Variants in TIMELESS observed in about 807,000 individuals in gnomAD.
TIMELESS encodes protein timeless homolog.
Under a neutral mutation model 164.3 loss-of-function variants are expected in TIMELESS, and 124 were observed. That is an observed-to-expected ratio of 0.75 (90% CI 0.65 to 0.88). The LOEUF (loss-of-function observed/expected upper bound fraction) is 0.88. Among genes scored for constraint, TIMELESS ranks in the 40% least tolerant of loss-of-function variants. TIMELESS has a pLI of 0.00. For missense variants in TIMELESS, 1,422 were observed against 1,491.4 expected (o/e 0.95, Z 0.77); for synonymous variants, 564 against 563.4 (o/e 1.00, Z -0.02).
intron 9 of TIMELESS, among the ~76,000 whole-genome samples, chr12:56,430,557 G>C (rs2136142266): frequency 6.6e-6 from 1 of 151,992 alleles, no homozygotes; most frequent in South Asian, 2.1e-4. Context: ...TGTAGGGACA[G>C]GGTTTTGCCA....
Position 56,423,846 on chromosome 12 carries a change from T to C in TIMELESS, c.1917A>G (p.Pro639=). The C allele has an allele frequency of 6.2e-7, 1 of 1,614,218 alleles. No homozygotes were observed. Among genetic ancestry groups the C allele is most frequent in the Non-Finnish European group, 8.5e-7 (1 of 1,180,040 alleles). The change falls in exon 16 of 29, where the codon CCA becomes CCG. Residue 639 remains proline (P), a synonymous_variant. Transcript: ENST00000553532. ...GDVFGSQDIS[P]EEEIQLLKQI... ...GTTTCAGCAACTGGATCTCTTCCTC[T>C]GGAGAAATGTCTTGAGAGCCAAACA...
rs201218444 is a variant in TIMELESS at position 56,421,446 on chromosome 12, C to T, written c.2773G>A (p.Ala925Thr). ...MKNITAKRSR[A>T]RIVDKLLALG... The stretch of plus-strand genomic sequence containing the variant: ...GCCAAGAGTTTATCCACTATTCGGG[C>T]CCGTGAGCGTTTGGCTGTGATATTC... Residue 925 changes from alanine to threonine, a missense_variant, in exon 23 of 29, where the codon GCC becomes ACC. By Grantham distance (58) the Ala-to-Thr change is moderately conservative. Transcript: ENST00000553532. 10 of 1,614,090 alleles carry T rather than the reference C, an allele frequency of 6.2e-6. No homozygotes were observed. In the Admixed American group the frequency reaches 1.5e-4, roughly 24 times the overall value.
chr12:56,420,804 T>C lies in TIMELESS; in HGVS notation c.3109+9A>G. ...GCTCTTCTCCTAAAAGTGTCACCTG[T>C]CCACTCACCATCCTCTTCCCGATCA... On this transcript the variant is annotated intron_variant, in intron 25 of 28. Coordinates refer to ENST00000553532, the MANE Select transcript of TIMELESS (RefSeq NM_003920.5). The C allele has an allele frequency of 6.2e-7, 1 of 1,614,176 alleles. No homozygotes were observed. The highest frequency in any genetic ancestry group is 2.2e-5 in the East Asian group (1 of 44,882).
intron 15 of TIMELESS, among the ~76,000 whole-genome samples, chr12:56,424,405 T>C (rs1565681103): frequency 6.6e-6 from 1 of 152,256 alleles, no homozygotes; most frequent in Non-Finnish European, 1.5e-5. Context: ...CAATAGGTTC[T>C]TGGATACTGC....
intron 21 of TIMELESS, 40 bp downstream of exon 21, chr12:56,421,859 G>C: frequency 6.2e-7 from 1 of 1,613,266 alleles, no homozygotes; most frequent in Non-Finnish European, 8.5e-7. Flanking sequence ...GTGATCACGA[G>C]TCCCCATCCC....
Position 56,423,664 on chromosome 12 carries a change from C to T in TIMELESS, c.2010G>A (p.Glu670=). 1.2e-6 allele frequency: 2 copies of T among 1,613,516 alleles called. No individual in the cohort carries two copies. Among genetic ancestry groups the T allele is most frequent in the Non-Finnish European group, 1.7e-6 (2 of 1,179,684 alleles). Residue 670 remains glutamate (E), a synonymous_variant, in exon 17 of 29, where the codon GAG becomes GAA. Coordinates refer to ENST00000553532, the MANE Select transcript of TIMELESS (RefSeq NM_003920.5). ...PEERGAEEEE[E]EEEEEEEELQ... is the part of the protein sequence containing the mutation. Reference sequence around the variant, plus strand: ...ACTCCTCCTCTTCCTCCTCCTCCTCCTCTTCTTCTTCCTCTGCCCCACGTT... The same window carrying T: ...ACTCCTCCTCTTCCTCCTCCTCCTCTTCTTCTTCTTCCTCTGCCCCACGTT...
chr12:56,432,018 G>C (rs978182301), intron 7 of TIMELESS, among the ~76,000 whole-genome samples: 1 of 151,764 alleles, frequency 6.6e-6, no homozygotes, highest in Non-Finnish European at 1.5e-5. Context: ...CTAACAGGCG[G>C]GTATACACTG....
intron 9 of TIMELESS, 103 bp downstream of exon 9, chr12:56,430,778 A>G (rs1346811573): frequency 1.4e-6 from 1 of 728,774 alleles, no homozygotes; most frequent in Non-Finnish European, 2.2e-6. Context: ...TGCTGGGACC[A>G]CAAGTGTGAG....
intron 20 of TIMELESS, 34 bp from the exon 21 acceptor site, chr12:56,422,050 G>A: frequency 6.2e-7 from 1 of 1,613,782 alleles, no homozygotes. Context: ...AGTAAAGAAG[G>A]TCCCACAGCT....
intron 5 of TIMELESS, 61 bp from the exon 6 acceptor site, chr12:56,433,188 G>C: frequency 6.6e-7 from 1 of 1,526,042 alleles, no homozygotes; most frequent in Non-Finnish European, 9.1e-7. Flanking sequence ...ATGTACTCTG[G>C]CTGGAAGACC....
intron 1 of TIMELESS, among the ~76,000 whole-genome samples, chr12:56,435,220 T>C (rs1382198271): frequency 6.6e-6 from 1 of 152,148 alleles, no homozygotes; most frequent in African/African-American, 2.4e-5. Context: ...AGAAAGGTCC[T>C]TCACTCTCCT....
intron 9 of TIMELESS, 74 bp from the exon 10 acceptor site, chr12:56,430,355 C>A (rs1241621411): frequency 1.1e-5 from 16 of 1,511,710 alleles, no homozygotes; most frequent in Non-Finnish European, 1.4e-5. Flanking sequence ...TCAATTTTCT[C>A]AGAAGAAACT....
intron 13 of TIMELESS, among the ~76,000 whole-genome samples, 197 bp downstream of exon 13, chr12:56,428,039 G>A (rs1473399623): frequency 6.6e-6 from 1 of 152,202 alleles, no homozygotes; most frequent in African/African-American, 2.4e-5. Flanking sequence ...AAATATTTAT[G>A]GCAGATCAGA....
rs1881703175 is a variant in TIMELESS, at chr12:56,427,113, T to A, written c.1578+1123A>T. ...CTGGGACTACAGGTATGTGCCACCA[T>A]GCTGGTGAATTGTTTTTGTTTTTTG... On this transcript the variant is annotated intron_variant, in intron 13 of 28. Coordinates refer to ENST00000553532, the MANE Select transcript of TIMELESS (RefSeq NM_003920.5). Among the ~76,000 whole-genome samples, 3 of 151,886 alleles carry A rather than the reference T, an allele frequency of 2.0e-5. No homozygotes were observed. In the South Asian group the frequency reaches 6.2e-4, roughly 32 times the overall value.
At chr12:56,432,319 C>T (rs1220949591) in intron 7 of TIMELESS, 50 bp downstream of exon 7, 3 of 1,570,000 alleles carry the variant, frequency 1.9e-6, no homozygotes, top group East Asian at 2.3e-5. Context: ...GGCTGTACAG[C>T]AGAAAAGTAC....
At chr12:56,426,957 A>G (rs1025330074) in intron 13 of TIMELESS, among the ~76,000 whole-genome samples, 1 of 151,690 alleles carries the variant, frequency 6.6e-6, no homozygotes, top group Non-Finnish European at 1.5e-5. Context: ...TTTAATGTGA[A>G]CCAATAATTT....
chr12:56,445,884 C>T (rs1467305283), intron 1 of TIMELESS, among the ~76,000 whole-genome samples: 1 of 152,190 alleles, frequency 6.6e-6, no homozygotes, highest in Non-Finnish European at 1.5e-5. Context: ...TCAACCTCTT[C>T]CTATCCTCTT....
chr12:56,434,385 A>C (rs1197178987), intron 1 of TIMELESS, among the ~76,000 whole-genome samples, 154 bp from the exon 2 acceptor site: 1 of 152,226 alleles, frequency 6.6e-6, no homozygotes, highest in African/African-American at 2.4e-5. Flanking sequence ...GCCCCAGAGA[A>C]AGTTTTAAAT....
In TIMELESS at chr12:56,434,150, G is replaced by T. The variant is rs1881993766; in HGVS notation, c.21C>A (p.Asn7Lys). Residue 7 changes from asparagine to lysine, a missense_variant, in exon 2 of 29, where the codon AAC becomes AAA. Coordinates refer to ENST00000553532, the MANE Select transcript of TIMELESS (RefSeq NM_003920.5). Reference sequence around the variant, plus strand: ...CACTACATGTGGCTAGAAGTTCACAGTTCATCATGTGCAAGTCCATACATC... The same window carrying T: ...CACTACATGTGGCTAGAAGTTCACATTTCATCATGTGCAAGTCCATACATC... The part of the protein sequence containing the change: MDLHMM[N>K]CELLATCSAL... 3 of 1,614,156 alleles carry T rather than the reference G, an allele frequency of 1.9e-6. No individual in the cohort carries two copies. The highest frequency in any genetic ancestry group is 2.5e-6 in the Non-Finnish European group (3 of 1,179,996).
Sources: gnomAD v4.1 joint callset for allele counts (sites outside exome capture counted in the v4.1 genomes callset) on GRCh38, gnomAD v4.1.1 for gene constraint, MANE v1.5 for transcripts, NCBI Gene and HGNC (gene_info 2026-07-23, HGNC 2026-07-21) for gene names.